NEDD4: variants seen among roughly 807,000 people sequenced by gnomAD.
The protein encoded by NEDD4 is E3 ubiquitin-protein ligase NEDD4.
NEDD4 carries 99 observed loss-of-function variants against 144.9 expected under a neutral mutation model. The observed-to-expected ratio is 0.68, with a 90% CI of 0.58 to 0.81. NEDD4 has a LOEUF of 0.81. Ranked by LOEUF, NEDD4 falls within the 30% of genes least tolerant of loss-of-function variation. The pLI is 0.00. For missense variants in NEDD4, 985 were observed against 1,065.9 expected (o/e 0.92, Z 1.06); for synonymous variants, 318 against 350.6 (o/e 0.91, Z 1.04).
Position 55,860,777 on chromosome 15 carries a change from C to G in NEDD4, c.676G>C (p.Asp226His). ...CCATTCTCAGCATCTGTTAGGTTGT[C>G]CCTATATTGGAAGTATAAAAAGCCA... is the stretch of plus-strand genomic sequence containing the variant. The part of the protein sequence containing the change: ...RTQWKRPTPQ[D>H]NLTDAENGNI... The change falls in exon 10 of 29, where the codon GAC (aspartate) becomes CAC (histidine). Residue 226 changes from aspartate to histidine, a missense_variant and splice_region_variant. Physicochemically the swap from Asp to His is moderately conservative, Grantham distance 81. Coordinates refer to ENST00000435532, the MANE Select transcript of NEDD4 (RefSeq NM_006154.4). The G allele has an allele frequency of 6.2e-7, 1 of 1,613,156 alleles. No individual in the cohort carries two copies. Among genetic ancestry groups the G allele is most frequent in the East Asian group, 2.2e-5 (1 of 44,868 alleles).
chr15:55,896,323 G>C (rs1281527187), intron 5 of NEDD4, among the ~76,000 whole-genome samples: 7 of 152,030 alleles, frequency 4.6e-5, no homozygotes, highest in Non-Finnish European at 1.0e-4. Flanking sequence ...CCTGGGATTA[G>C]AGACATGCAC....
rs1303573162 is a variant in NEDD4, at chr15:55,903,843, C to T, written c.291+20803G>A. On this transcript the variant is annotated intron_variant, in intron 5 of 28. Transcript: ENST00000435532. Reference sequence around the variant, plus strand: ...CCATCTCAAAAAAAAAAAAAAAACACACATATATATATATATATATATATA... The same window carrying T: ...CCATCTCAAAAAAAAAAAAAAAACATACATATATATATATATATATATATA... 1.2e-4 allele frequency among the ~76,000 whole-genome samples: 6 copies of T among 48,246 alleles called. No homozygotes were observed. The East Asian group carries it at 7.1e-3, about 57-fold the overall frequency. The allele number at this position is 48,246 out of a possible 152,430, so 31.7% of individuals were successfully genotyped here.
chr15:55,948,190 TC>T (rs1314531269), intron 4 of NEDD4, among the ~76,000 whole-genome samples: 1 of 152,062 alleles, frequency 6.6e-6, no homozygotes, highest in African/African-American at 2.4e-5. Context: ...ATGAGTGAAC[TC>T]CCATTCACAA....
At chr15:55,910,527 G>A (rs1462435154) in intron 5 of NEDD4, among the ~76,000 whole-genome samples, 2 of 151,768 alleles carry the variant, frequency 1.3e-5, no homozygotes, top group East Asian at 3.9e-4. Context: ...CAAAGTTGGT[G>A]GTCCCCAAAA....
intron 14 of NEDD4, among the ~76,000 whole-genome samples, chr15:55,849,417 G>T (rs1212861411): frequency 6.6e-6 from 1 of 152,030 alleles, no homozygotes; most frequent in Non-Finnish European, 1.5e-5. Flanking sequence ...TAGAGACGGG[G>T]TTTCTCCATG....
chr15:55,850,216 T>A (rs1435764248), intron 14 of NEDD4, among the ~76,000 whole-genome samples: 1 of 152,272 alleles, frequency 6.6e-6, no homozygotes, highest in South Asian at 2.1e-4. Flanking sequence ...AAATGAGATA[T>A]GGATTCAAAA....
Position 55,829,374 on chromosome 15 carries a change from C to T in NEDD4, c.*523G>A, listed in dbSNP as rs1441856040. On this transcript the variant is annotated 3_prime_UTR_variant, in exon 29 of 29. Transcript: ENST00000435532. ...CAGTAAGGTGCATAAGGCAGGTCTA[C>T]AAAATAATAAATAGCTGCGAGTAGC... The T allele has an allele frequency of 6.6e-6, 1 of 152,542 alleles. No individual in the cohort carries two copies. The highest frequency in any genetic ancestry group is 1.5e-5 in the Non-Finnish European group (1 of 68,112). 9.4% of individuals were successfully genotyped at this position (152,542 alleles called of 1,614,324 possible).
chr15:55,976,611 T>C (rs2142347826), intron 1 of NEDD4, among the ~76,000 whole-genome samples: 1 of 149,596 alleles, frequency 6.7e-6, no homozygotes, highest in East Asian at 2.0e-4. Flanking sequence ...GGTACCCTTA[T>C]CCAATCTGGG....
chr15:55,973,814 C>G (rs1364425260), intron 1 of NEDD4, among the ~76,000 whole-genome samples: 9 of 149,350 alleles, frequency 6.0e-5, no homozygotes, highest in African/African-American at 2.2e-4. Context: ...TAAGTACCTA[C>G]ATGAAAAAGT....
intron 2 of NEDD4, among the ~76,000 whole-genome samples, chr15:55,953,761 G>A (rs1006159129): frequency 2.0e-5 from 3 of 147,000 alleles, no homozygotes; most frequent in African/African-American, 7.6e-5. Flanking sequence ...TTGCTCTGTC[G>A]CCAGGCTGGA....
In NEDD4 at chr15:55,830,543, A is replaced by C. The variant is rs17238461; in HGVS notation, c.2571T>G (p.Thr857=). 160,749 of 1,613,198 alleles carry C rather than the reference A, an allele frequency of 0.1. 8,573 individuals are homozygous for C. Among genetic ancestry groups the C allele is most frequent in the Middle Eastern group, 0.12 (717 of 6,062 alleles). The change falls in exon 28 of 29, where the codon ACT becomes ACG. Residue 857 remains threonine (T), a synonymous_variant. Transcript: ENST00000435532. The stretch of plus-strand genomic sequence containing the variant: ...TATGAGCTCTTGGCAGCTTTTCAGG[A>C]GTACCCCACTGTTCAACTGTAAATG... ...PQSFTVEQWG[T]PEKLPRAHTC... is the part of the protein sequence containing the mutation.
chr15:55,964,428 C>T (rs1335469459), intron 2 of NEDD4, among the ~76,000 whole-genome samples: 1 of 151,950 alleles, frequency 6.6e-6, no homozygotes, highest in African/African-American at 2.4e-5. Context: ...ACAAATCTAC[C>T]CAACAATTTT....
chr15:55,889,303 T>C (rs1340326253), intron 5 of NEDD4, among the ~76,000 whole-genome samples: 2 of 152,202 alleles, frequency 1.3e-5, no homozygotes, highest in Non-Finnish European at 2.9e-5. Context: ...CTGTTCACAA[T>C]AGCCAAGATT....
Position 55,844,249 on chromosome 15 carries a change from C to T in NEDD4, c.1609-2086G>A, listed in dbSNP as rs573967661. Among the ~76,000 whole-genome samples, 268 of 152,054 alleles carry T rather than the reference C, an allele frequency of 1.8e-3. 1 individual carries two copies. Among genetic ancestry groups the T allele is most frequent in the Non-Finnish European group, 3.1e-3 (214 of 67,978 alleles). ...AAAAATGCAAAAAAGTAGTCTGGGG[C>T]CAGAGGGTGGACAGTGTGAATGCAG... On this transcript the variant is annotated intron_variant, in intron 18 of 28. Coordinates refer to ENST00000435532, the MANE Select transcript of NEDD4 (RefSeq NM_006154.4).
In NEDD4 at chr15:55,950,613, T is replaced by C. The variant is rs996269122; in HGVS notation, c.237+763A>G. 1.2e-4 allele frequency among the ~76,000 whole-genome samples: 19 copies of C among 152,050 alleles called. 1 individual carries two copies. Among genetic ancestry groups the C allele is most frequent in the African/African-American group, 4.3e-4 (18 of 41,386 alleles). On this transcript the variant is annotated intron_variant, in intron 4 of 28. Transcript: ENST00000435532. Reference sequence around the variant, plus strand: ...TCACTGGTGACCCGAATAACAGCAGTTTCATTTGAGTGATGGGGATTTAGA... The same window carrying C: ...TCACTGGTGACCCGAATAACAGCAGCTTCATTTGAGTGATGGGGATTTAGA...
intron 12 of NEDD4, 54 bp downstream of exon 12, chr15:55,856,077 A>C: frequency 6.7e-7 from 1 of 1,493,476 alleles, no homozygotes; most frequent in Non-Finnish European, 9.3e-7. Flanking sequence ...AAAAAATAAA[A>C]AGAGATGCTG....
chr15:55,903,456 G>A (rs1285803095), intron 5 of NEDD4, among the ~76,000 whole-genome samples: 1 of 152,136 alleles, frequency 6.6e-6, no homozygotes, highest in African/African-American at 2.4e-5. Context: ...CACTATCTCA[G>A]ACAGTTTCCT....
chr15:55,832,748 G>A (rs900902532), intron 27 of NEDD4, among the ~76,000 whole-genome samples: 4 of 152,076 alleles, frequency 2.6e-5, no homozygotes, highest in Non-Finnish European at 5.9e-5. Context: ...GATGCATACT[G>A]GGCATAGAAT....
chr15:55,942,323 T>G lies in NEDD4; in HGVS notation c.237+9053A>C, dbSNP rs62045167. 8.5e-5 allele frequency among the ~76,000 whole-genome samples: 13 copies of G among 152,190 alleles called. No individual in the cohort carries two copies. In the South Asian group the frequency reaches 2.1e-3, roughly 24 times the overall value. On this transcript the variant is annotated intron_variant, in intron 4 of 28. Transcript: ENST00000435532. Reference sequence around the variant, plus strand: ...ACCATTAACATATTTTTTCTGGTGTTTGTATGGTATCTCATATGGTTTGGA... The same window carrying G: ...ACCATTAACATATTTTTTCTGGTGTGTGTATGGTATCTCATATGGTTTGGA...
Sources: allele counts gnomAD v4.1 joint callset (sites outside exome capture counted in the v4.1 genomes callset), GRCh38; gene constraint gnomAD v4.1.1; transcripts MANE v1.5; gene names NCBI Gene and HGNC (gene_info 2026-07-23, HGNC 2026-07-21).